RANBP3: variants seen among roughly 807,000 people sequenced by gnomAD.
RANBP3 encodes the protein RAN binding protein 3.
Under a neutral mutation model 77.3 loss-of-function variants are expected in RANBP3, and 14 were observed. The observed-to-expected ratio is 0.18, with a 90% CI of 0.12 to 0.28. The LOEUF (loss-of-function observed/expected upper bound fraction) is 0.28. Among genes scored for constraint, RANBP3 ranks in the 10% least tolerant of loss-of-function variants. The pLI, the probability that RANBP3 is intolerant of heterozygous loss-of-function variation, is 1.00. For missense variants in RANBP3, 586 were observed against 752.3 expected, an observed-to-expected ratio of 0.78 and a Z score of 2.59; for synonymous variants, 315 against 312.4, an observed-to-expected ratio of 1.01 and a Z score of -0.09.
In RANBP3 at chr19:5,978,095, AG is replaced by A; in HGVS notation, c.-14del. 1 of 1,608,746 alleles carries A rather than the reference AG, an allele frequency of 6.2e-7. No individual in the cohort carries two copies. Among genetic ancestry groups the A allele is most frequent in the Non-Finnish European group, 8.5e-7 (1 of 1,177,912 alleles). On this transcript the variant is annotated 5_prime_UTR_variant, in exon 1 of 17. Transcript: ENST00000340578. ...CCAGGTCCGCCATTTTACTTCCTTAAGCCCTCCCACAAGGCCCCGCGCCGGC... is the reference window on the plus strand; with the variant it reads ...CCAGGTCCGCCATTTTACTTCCTTAACCCTCCCACAAGGCCCCGCGCCGGC...
intron 5 of RANBP3, chr19:5,935,848 C>T (rs1240632233): frequency 2.2e-6 from 1 of 456,154 alleles, no homozygotes; most frequent in Non-Finnish European, 4.4e-6. Context: ...TTCTGCAACA[C>T]AGGTCGCAAC....
At chr19:5,930,095 G>C (rs992052668) in intron 8 of RANBP3, among the ~76,000 whole-genome samples, 2 of 152,204 alleles carry the variant, frequency 1.3e-5, no homozygotes, top group East Asian at 1.9e-4. Context: ...ACTCACCATC[G>C]GGGACAATCA....
At chr19:5,922,416 T>C (rs1325902480) in intron 13 of RANBP3, among the ~76,000 whole-genome samples, 1 of 152,166 alleles carries the variant, frequency 6.6e-6, no homozygotes, top group Admixed American at 6.5e-5. Flanking sequence ...CACCTGCTTA[T>C]GTGCCACGGG....
In RANBP3 at chr19:5,951,382, T is replaced by C. The variant is rs946551271; in HGVS notation, c.282+11A>G. The C allele has an allele frequency of 1.3e-6, 2 of 1,549,072 alleles. No homozygotes were observed. Among genetic ancestry groups the C allele is most frequent in the South Asian group, 1.2e-5 (1 of 84,126 alleles). ...CTGGGCGGTAGGAGTGCCGGGTAGGTGTGGACTTACCCCTGCCAGTTCTCG... is the reference window on the plus strand; with the variant it reads ...CTGGGCGGTAGGAGTGCCGGGTAGGCGTGGACTTACCCCTGCCAGTTCTCG... On this transcript the variant is annotated intron_variant, in intron 3 of 16. Transcript: ENST00000340578.
intron 5 of RANBP3, 23 bp downstream of exon 5, chr19:5,941,598 T>C: frequency 6.3e-7 from 1 of 1,590,878 alleles, no homozygotes. Flanking sequence ...GCTTTCACCA[T>C]TCCGTAAGTT....
Position 5,925,649 on chromosome 19 carries a change from T to C in RANBP3, c.902A>G (p.Gln301Arg). 1.2e-6 allele frequency: 2 copies of C among 1,613,898 alleles called. No homozygotes were observed. Among genetic ancestry groups the C allele is most frequent in the East Asian group, 2.2e-5 (1 of 44,858 alleles). ...DTPTATNYFLQYISSSLENST... is the reference protein window; with the variant it reads ...DTPTATNYFLRYISSSLENST... Reference sequence around the variant, plus strand: ...AGACACACACCTGGAACTGATATACTGGAGGAAATAGTTCGTTGCGGTTGG... The same window carrying C: ...AGACACACACCTGGAACTGATATACCGGAGGAAATAGTTCGTTGCGGTTGG... Residue 301 changes from glutamine to arginine, a missense_variant, in exon 10 of 17, where the codon CAG (glutamine) becomes CGG (arginine). Gln to Arg is a conservative substitution (Grantham distance 43). Transcript: ENST00000340578.
At chr19:5,925,235 A>G (rs1263558421) in intron 10 of RANBP3, 2 of 477,366 alleles carry the variant, frequency 4.2e-6, no homozygotes, top group Non-Finnish European at 7.7e-6. Flanking sequence ...ACCCCCAGCC[A>G]TGTCAGTCAA....
At chr19:5,971,815 T>C (rs916264705) in intron 1 of RANBP3, among the ~76,000 whole-genome samples, 2 of 152,142 alleles carry the variant, frequency 1.3e-5, no homozygotes, top group African/African-American at 4.8e-5. Flanking sequence ...TATAATAGGA[T>C]TGAAACCCAA....
rs371753551 is a variant in RANBP3 at position 5,924,770 on chromosome 19, T to C, written c.996+57A>G. ...CCCTGCTCTCCATGTCCCCTTGACC[T>C]GTGGCTGGCGCCGAGAGCCTCTGGT... On this transcript the variant is annotated intron_variant, in intron 11 of 16. Transcript: ENST00000340578. The surrounding 1 kb of genome is among the most constrained non-coding windows in gnomAD (Gnocchi z 4.7). 5.6e-5 allele frequency: 86 copies of C among 1,530,796 alleles called. No homozygotes were observed. Among genetic ancestry groups the C allele is most frequent in the Non-Finnish European group, 7.7e-5 (85 of 1,104,802 alleles). 94.8% of individuals were successfully genotyped at this position (1,530,796 alleles called of 1,614,324 possible).
chr19:5,935,584 C>T (rs1043462096), intron 5 of RANBP3: 3 of 368,936 alleles, frequency 8.1e-6, no homozygotes, highest in African/African-American at 2.1e-5. Flanking sequence ...CCCTTCCACA[C>T]TCCGCTCCGT....
rs117039069 is a variant in RANBP3, at chr19:5,972,980, C to G, written c.22+5081G>C. Reference sequence around the variant, plus strand: ...AGAAGCCCAGTGAGGGCTTTTCTGTCTATACGCAGGATCCTGGGCAAAATG... The same window carrying G: ...AGAAGCCCAGTGAGGGCTTTTCTGTGTATACGCAGGATCCTGGGCAAAATG... On this transcript the variant is annotated intron_variant, in intron 1 of 16. Coordinates refer to ENST00000340578, the MANE Select transcript of RANBP3 (RefSeq NM_007322.3). Among the ~76,000 whole-genome samples the G allele has an allele frequency of 2.0e-5, 3 of 152,290 alleles. No homozygotes were observed. In the East Asian group the frequency reaches 5.8e-4, roughly 29 times the overall value.
chr19:5,927,846 C>G (rs55879542), intron 9 of RANBP3, 122 bp downstream of exon 9: 95,000 of 1,327,078 alleles, frequency 0.072, 3,932 homozygotes, highest in Middle Eastern at 0.087. Flanking sequence ...GGGGCTGCCT[C>G]GCTAACACCT....
rs2057883117 is a variant in RANBP3 at position 5,924,994 on chromosome 19, C to T, written c.918-89G>A. ...GGTACCCATGGAGCACACACTGACA[C>T]AGAGGGCACAGTGGAGGGGCCTCCG... On this transcript the variant is annotated intron_variant, in intron 10 of 16. Transcript: ENST00000340578. This position sits in a 1 kb window ranked among gnomAD's most constrained non-coding sequence, Gnocchi z 4.7. 8.2e-7 allele frequency: 1 copy of T among 1,219,254 alleles called. No homozygotes were observed. Among genetic ancestry groups the T allele is most frequent in the Non-Finnish European group, 1.2e-6 (1 of 823,110 alleles). 75.5% of individuals were successfully genotyped at this position (1,219,254 alleles called of 1,614,324 possible).
At chr19:5,963,526 G>C (rs1390488099) in intron 1 of RANBP3, among the ~76,000 whole-genome samples, 1 of 152,212 alleles carries the variant, frequency 6.6e-6, no homozygotes, top group African/African-American at 2.4e-5. Flanking sequence ...ACTCCAGGCT[G>C]GGTGACAGAG....
At chr19:5,953,755 T>C (rs954459794) in intron 2 of RANBP3, among the ~76,000 whole-genome samples, 1 of 152,224 alleles carries the variant, frequency 6.6e-6, no homozygotes, top group Non-Finnish European at 1.5e-5. Flanking sequence ...CAATGGTGCA[T>C]GTAAACGCAG....
chr19:5,945,595 A>T (rs2058194021), intron 3 of RANBP3, among the ~76,000 whole-genome samples: 1 of 151,958 alleles, frequency 6.6e-6, no homozygotes, highest in Non-Finnish European at 1.5e-5. Context: ...TTCCTTACTG[A>T]TCTTGTCTAG....
intron 8 of RANBP3, among the ~76,000 whole-genome samples, chr19:5,930,230 A>C (rs929156110): frequency 3.3e-5 from 5 of 152,260 alleles, no homozygotes; most frequent in Admixed American, 2.6e-4. Flanking sequence ...AATGCGGTGG[A>C]AATGATCCCT....
At position 5,951,499 on chromosome 19, in the gene RANBP3, C is replaced by T. The variant is rs765502460; in HGVS notation, c.176G>A (p.Gly59Asp). 1 of 1,611,134 alleles carries T rather than the reference C, an allele frequency of 6.2e-7. No homozygotes were observed. Among genetic ancestry groups the T allele is most frequent in the Non-Finnish European group, 8.5e-7 (1 of 1,178,334 alleles). The change falls in exon 3 of 17, where the codon GGC becomes GAC. Residue 59 changes from glycine to aspartate, a missense_variant. By Grantham distance (94) the Gly-to-Asp change is moderately conservative (BLOSUM62 -1). Coordinates refer to ENST00000340578, the MANE Select transcript of RANBP3 (RefSeq NM_007322.3). The part of the protein sequence containing the change: ...HHGTGHPESA[G>D]EHALEPPAPA... ...GGCAGGAGGTTCTAGGGCATGCTCG[C>T]CAGCTGACTCGGGGTGACCCGTGCC...
At position 5,920,519 on chromosome 19, in the gene RANBP3, A is replaced by G. The variant is rs186491999; in HGVS notation, c.1330+682T>C. Among the ~76,000 whole-genome samples, 19 of 152,292 alleles carry G rather than the reference A, an allele frequency of 1.2e-4. No homozygotes were observed. In the East Asian group the frequency reaches 3.3e-3, roughly 26 times the overall value. On this transcript the variant is annotated intron_variant, in intron 14 of 16. Transcript: ENST00000340578. ...GAAAAGTCCATTGACTGTCAATGGAATATTAACATGAAAGCTTTTCAAAAA... is the reference window on the plus strand; with the variant it reads ...GAAAAGTCCATTGACTGTCAATGGAGTATTAACATGAAAGCTTTTCAAAAA...
Sources: allele counts gnomAD v4.1 joint callset (sites outside exome capture counted in the v4.1 genomes callset), GRCh38; gene constraint gnomAD v4.1.1; non-coding constraint Gnocchi (gnomAD v3.1); transcripts MANE v1.5; gene names NCBI Gene and HGNC (gene_info 2026-07-23, HGNC 2026-07-21).